The following FOXP2 variants were observed in gnomAD, a reference collection of about 807,000 sequenced individuals.
FOXP2 encodes forkhead box P2, also known as forkhead box protein P2.
Under a neutral mutation model 115.8 loss-of-function variants are expected in FOXP2, and 12 were observed. That is an observed-to-expected ratio of 0.10 (90% CI 0.07 to 0.17). The LOEUF (loss-of-function observed/expected upper bound fraction) is 0.17, where lower values mean the gene tolerates loss of function less well. FOXP2 is among the 10% of genes least tolerant of loss of function. The probability of loss-of-function intolerance (pLI) is 1.00; values close to 1 mark genes in which losing one functional copy is unlikely to be tolerated. For missense variants in FOXP2, 629 were observed against 843.5 expected (o/e 0.75, Z 3.15); for synonymous variants, 328 against 297.7 (o/e 1.10, Z -1.05).
chr7:114,397,523 G>T (rs1448030676), intron 2 of FOXP2, among the ~76,000 whole-genome samples: 3 of 152,176 alleles, frequency 2.0e-5, no homozygotes, highest in Admixed American at 2.0e-4. Context: ...TGAAATTTAA[G>T]CTGAATTTGA....
intron 2 of FOXP2, among the ~76,000 whole-genome samples, chr7:114,384,353 A>C (rs2129192583): frequency 6.6e-6 from 1 of 152,328 alleles, no homozygotes; most frequent in Middle Eastern, 3.4e-3. Flanking sequence ...CAGAGAGGGT[A>C]TAGCTAACCT....
chr7:114,288,017 A>T lies in FOXP2; in HGVS notation c.-101-2A>T, dbSNP rs1270363369. 2.2e-6 allele frequency: 1 copy of T among 446,358 alleles called. No homozygotes were observed. The highest frequency in any genetic ancestry group is 4.5e-6 in the Non-Finnish European group (1 of 223,572). 27.6% of individuals were successfully genotyped at this position (446,358 alleles called of 1,614,324 possible). A position where few individuals can be genotyped will look rare whatever the true frequency, so the allele number is the denominator to read the frequency against. ...GTGACAATTATTTGTCTCTATTAAC[A>T]GGTCTACTCTAATGTGATGCTGGGA... is the stretch of plus-strand genomic sequence containing the variant. On this transcript the variant is annotated splice_acceptor_variant, in intron 1 of 17. Transcript: ENST00000634411. LOFTEE classifies it low-confidence loss of function (5UTR_SPLICE).
In FOXP2 at chr7:114,526,465, G is replaced by C. The variant is rs1215761297; in HGVS notation, c.169-8152G>C. Among the ~76,000 whole-genome samples the C allele has an allele frequency of 6.3e-5, 9 of 143,042 alleles. No individual in the cohort carries two copies. The South Asian group carries it at 6.6e-4, about 10-fold the overall frequency. 93.8% of individuals were successfully genotyped at this position (143,042 alleles called of 152,430 possible). On this transcript the variant is annotated intron_variant, in intron 2 of 16. Transcript: ENST00000350908. ...CACTCCAGTCTGGGCGACAGGGTGA[G>C]ACTCTGTCTCAAAAAAAAAAAACAA...
In FOXP2 at chr7:114,693,440, A is replaced by G. The variant is rs1032296052; in HGVS notation, c.*3514A>G. On this transcript the variant is annotated 3_prime_UTR_variant, in exon 17 of 17. Coordinates refer to ENST00000350908, the MANE Select transcript of FOXP2 (RefSeq NM_014491.4). ...TAAAGTTTTCAAGTTGGACATTTAC[A>G]TTTTTGAGAATTTTGAGACTTCATC... 9 of 453,280 alleles carry G rather than the reference A, an allele frequency of 2.0e-5. No individual in the cohort carries two copies. The highest frequency in any genetic ancestry group is 1.4e-4 in the African/African-American group (7 of 49,972). The allele number at this position is 453,280 out of a possible 1,614,324, so 28.1% of individuals were successfully genotyped here. A position where few individuals can be genotyped will look rare whatever the true frequency, so the allele number is the denominator to read the frequency against.
chr7:114,484,740 G>A (rs1441683933), intron 2 of FOXP2, among the ~76,000 whole-genome samples: 1 of 151,864 alleles, frequency 6.6e-6, no homozygotes, highest in African/African-American at 2.4e-5. Flanking sequence ...AGCCATCATA[G>A]ATAAGAATAT....
At chr7:114,650,539 G>GA (rs967380121) in intron 8 of FOXP2, among the ~76,000 whole-genome samples, 7 of 151,952 alleles carry the variant, frequency 4.6e-5, no homozygotes, top group African/African-American at 1.7e-4. Flanking sequence ...AATTTTGGGG[G>GA]AAAAAACCCT....
intron 3 of FOXP2, among the ~76,000 whole-genome samples, chr7:114,598,111 T>G (rs1802822490): frequency 6.6e-6 from 1 of 152,098 alleles, no homozygotes; most frequent in Non-Finnish European, 1.5e-5. Flanking sequence ...AATGTTGACT[T>G]TTTTTGTATT....
At chr7:114,305,928 ACTT>A (rs370842816) in intron 2 of FOXP2, among the ~76,000 whole-genome samples, 49,583 of 151,890 alleles carry the variant, frequency 0.33, 9,914 homozygotes, top group Admixed American at 0.44. Context: ...GGTCTTAACC[ACTT>A]ATAAATACTG....
chr7:114,235,399 C>A (rs1475008855), intron 1 of FOXP2, among the ~76,000 whole-genome samples: 3 of 150,126 alleles, frequency 2.0e-5, no homozygotes, highest in African/African-American at 7.4e-5. Context: ...TGTTTTTTAT[C>A]ACTTAAAAAA....
intron 1 of FOXP2, among the ~76,000 whole-genome samples, chr7:114,122,588 C>T (rs1043512799): frequency 2.0e-5 from 3 of 151,706 alleles, no homozygotes; most frequent in Admixed American, 1.3e-4. Context: ...TTCTGTTTTA[C>T]CCATCTTTGG....
chr7:114,360,131 A>G (rs1232825864), intron 2 of FOXP2, among the ~76,000 whole-genome samples: 1 of 152,142 alleles, frequency 6.6e-6, no homozygotes, highest in Non-Finnish European at 1.5e-5. Context: ...ATGGTAATGT[A>G]TAAATCTCAC....
chr7:114,489,189 G>T (rs1401790906), intron 2 of FOXP2, among the ~76,000 whole-genome samples: 1 of 151,880 alleles, frequency 6.6e-6, no homozygotes, highest in Non-Finnish European at 1.5e-5. Context: ...ATATCTTTTT[G>T]TAATTAAGAT....
chr7:114,343,102 A>C (rs1791255138), intron 2 of FOXP2, among the ~76,000 whole-genome samples: 1 of 151,600 alleles, frequency 6.6e-6, no homozygotes. Flanking sequence ...TCTAGAACTA[A>C]GTATTGTCTG....
intron 2 of FOXP2, among the ~76,000 whole-genome samples, chr7:114,445,365 T>TG (rs1794786931): frequency 6.6e-6 from 1 of 152,188 alleles, no homozygotes; most frequent in African/African-American, 2.4e-5. Flanking sequence ...AGTGTTATGG[T>TG]GACCCTTTGC....
At chr7:114,104,248 A>G (rs1791058704) in intron 1 of FOXP2, among the ~76,000 whole-genome samples, 1 of 151,906 alleles carries the variant, frequency 6.6e-6, no homozygotes. Context: ...TGAAATATTT[A>G]TGAGTCAGGG....
At chr7:114,619,590 A>T (rs894837722) in intron 3 of FOXP2, among the ~76,000 whole-genome samples, 1 of 152,064 alleles carries the variant, frequency 6.6e-6, no homozygotes, top group Non-Finnish European at 1.5e-5. Flanking sequence ...AGGTTTTTTT[A>T]ATTTATGAAA....
chr7:114,555,207 T>C (rs757965952), intron 3 of FOXP2, among the ~76,000 whole-genome samples: 2 of 152,190 alleles, frequency 1.3e-5, no homozygotes, highest in Non-Finnish European at 2.9e-5. Flanking sequence ...GCTCTTTCAT[T>C]TCACAGAATA....
At chr7:114,670,312 AT>A (rs1184456324) in intron 16 of FOXP2, among the ~76,000 whole-genome samples, 1 of 152,090 alleles carries the variant, frequency 6.6e-6, no homozygotes, top group African/African-American at 2.4e-5. Context: ...GGAGAAGAAA[AT>A]AAAAGGCTGA....
chr7:114,336,902 T>A (rs1201945294), intron 2 of FOXP2, among the ~76,000 whole-genome samples: 1 of 151,512 alleles, frequency 6.6e-6, no homozygotes, highest in Non-Finnish European at 1.5e-5. Flanking sequence ...AGGACAAATT[T>A]CACACAAAAG....
Sources: allele counts gnomAD v4.1 joint callset (sites outside exome capture counted in the v4.1 genomes callset), GRCh38; gene constraint gnomAD v4.1.1; transcripts MANE v1.5; gene names NCBI Gene and HGNC (gene_info 2026-07-23, HGNC 2026-07-21).